The following ENOX1 variants were observed in gnomAD, a reference collection of about 807,000 sequenced individuals.
ENOX1 encodes the protein candidate growth-related and time keeping constitutive hydroquinone (NADH) oxidase.
ENOX1 carries 42 observed loss-of-function variants against 82.5 expected under a neutral mutation model. That is an observed-to-expected ratio of 0.51 (90% confidence interval 0.40 to 0.66). The LOEUF (loss-of-function observed/expected upper bound fraction) is 0.66. Ranked by LOEUF, ENOX1 falls within the 30% of genes least tolerant of loss-of-function variation. The pLI, the probability that ENOX1 is intolerant of heterozygous loss-of-function variation, is 0.00. For missense variants in ENOX1, 608 were observed against 811.6 expected (o/e 0.75, Z 3.05); for synonymous variants, 271 against 282.2 (o/e 0.96, Z 0.40).
At chr13:43,355,780 T>C in intron 8 of ENOX1, 139 bp downstream of exon 8, 1 of 892,456 alleles carries the variant, frequency 1.1e-6, no homozygotes. Flanking sequence ...AGTCTGTGCT[T>C]ACACCAGACT....
chr13:43,469,564 ATAG>A lies in ENOX1; in HGVS notation c.-75+14442_-75+14444del, dbSNP rs543570197. Among the ~76,000 whole-genome samples the A allele has an allele frequency of 1.9e-4, 29 of 152,122 alleles. No individual in the cohort carries two copies. In the South Asian group the frequency reaches 5.2e-3, roughly 27 times the overall value. On this transcript the variant is annotated intron_variant, in intron 3 of 16. Coordinates refer to ENST00000690772, the MANE Select transcript of ENOX1 (RefSeq NM_001347969.2). Reference sequence around the variant, plus strand: ...AATAAAATTCTGAGTAATAAATATAATAGTAGGTATTTAAGATGTTTATATAAA... The same window carrying A: ...AATAAAATTCTGAGTAATAAATATAATAGGTATTTAAGATGTTTATATAAA...
At chr13:43,772,888 A>G (rs1951726920) in intron 1 of ENOX1, among the ~76,000 whole-genome samples, 1 of 152,182 alleles carries the variant, frequency 6.6e-6, no homozygotes, top group Admixed American at 6.5e-5. Flanking sequence ...GCTGCTAGCT[A>G]TAATTTTAAA....
rs548095118 is a variant in ENOX1, at chr13:43,291,830, A to T, written c.1446+6516T>A. Among the ~76,000 whole-genome samples, 8 of 152,342 alleles carry T rather than the reference A, an allele frequency of 5.3e-5. No homozygotes were observed. In the South Asian group the frequency reaches 1.7e-3, roughly 32 times the overall value. On this transcript the variant is annotated intron_variant, in intron 12 of 16. Coordinates refer to ENST00000690772, the MANE Select transcript of ENOX1 (RefSeq NM_001347969.2). ...GAATAAACTTACAAAAACAAGGAGA[A>T]AGGAAAGTGAGTTCCAGGAGTTCCT...
intron 5 of ENOX1, among the ~76,000 whole-genome samples, chr13:43,404,618 T>G (rs1443078941): frequency 6.6e-6 from 1 of 152,238 alleles, no homozygotes; most frequent in Non-Finnish European, 1.5e-5. Context: ...ATTAGTCATT[T>G]GTATAATTAT....
intron 11 of ENOX1, among the ~76,000 whole-genome samples, chr13:43,308,998 C>T (rs898193725): frequency 4.7e-5 from 7 of 150,448 alleles, no homozygotes; most frequent in African/African-American, 1.7e-4. Context: ...ACTTCAAGGG[C>T]CCTCTGACCT....
Position 43,635,993 on chromosome 13 carries a change from G to A in ENOX1, c.-219+31486C>T, listed in dbSNP as rs190057171. On this transcript the variant is annotated intron_variant, in intron 2 of 16. Coordinates refer to ENST00000690772, the MANE Select transcript of ENOX1 (RefSeq NM_001347969.2). ...CATGGGACTGACCTTCTGGGGAAAC[G>A]CAGCCCCAACACAGCCAGAATTGCT... 9.9e-5 allele frequency among the ~76,000 whole-genome samples: 15 copies of A among 152,242 alleles called. No individual in the cohort carries two copies. The East Asian group carries it at 2.5e-3, about 26-fold the overall frequency.
chr13:43,706,903 G>GAT (rs141537630), intron 1 of ENOX1, among the ~76,000 whole-genome samples: 116 of 149,316 alleles, frequency 7.8e-4, no homozygotes, highest in East Asian at 1.8e-3. Flanking sequence ...AGGCAAGAAA[G>GAT]ATATATATAT....
At chr13:43,501,638 A>G (rs2076983728) in intron 2 of ENOX1, among the ~76,000 whole-genome samples, 1 of 151,718 alleles carries the variant, frequency 6.6e-6, no homozygotes, top group Admixed American at 6.6e-5. Context: ...ATTTGAAAAC[A>G]CACTCCTAAA....
At chr13:43,423,183 G>C (rs1289363998) in intron 3 of ENOX1, among the ~76,000 whole-genome samples, 1 of 152,110 alleles carries the variant, frequency 6.6e-6, no homozygotes, top group Non-Finnish European at 1.5e-5. Context: ...TATGAAATAC[G>C]TAATGGCTCA....
At chr13:43,390,826 T>C (rs12872763) in intron 5 of ENOX1, among the ~76,000 whole-genome samples, 81,920 of 151,992 alleles carry the variant, frequency 0.54, 25,776 homozygotes, top group Non-Finnish European at 0.73. Flanking sequence ...CTCATTATTC[T>C]CTTTCATTTC....
intron 9 of ENOX1, among the ~76,000 whole-genome samples, chr13:43,332,430 C>T (rs557253361): frequency 1.3e-5 from 2 of 152,286 alleles, no homozygotes; most frequent in South Asian, 4.1e-4. Context: ...TCACTTCCTG[C>T]TGTGCGGCCC....
intron 2 of ENOX1, among the ~76,000 whole-genome samples, chr13:43,537,464 C>A (rs993997033): frequency 6.6e-6 from 1 of 152,146 alleles, no homozygotes; most frequent in African/African-American, 2.4e-5. Flanking sequence ...CAAGCTGAAG[C>A]CAAAGAAATG....
intron 14 of ENOX1, among the ~76,000 whole-genome samples, chr13:43,258,823 C>T (rs954377862): frequency 6.6e-5 from 10 of 152,214 alleles, no homozygotes; most frequent in Non-Finnish European, 1.5e-4. Context: ...AAGGTCTCGT[C>T]TCCAGAGGAT....
intron 11 of ENOX1, among the ~76,000 whole-genome samples, chr13:43,312,462 G>A (rs1183200243): frequency 2.6e-5 from 4 of 152,196 alleles, no homozygotes; most frequent in Admixed American, 6.5e-5. Flanking sequence ...TCAAAGGGCT[G>A]ATATTGTAGC....
At chr13:43,247,864 TATATATA>T (rs2043200161) in intron 14 of ENOX1, among the ~76,000 whole-genome samples, 6 of 2,262 alleles carry the variant, frequency 2.7e-3, no homozygotes, top group Non-Finnish European at 4.4e-3. Flanking sequence ...TATATATATA[TATATATA>T]TATATATATA....
At chr13:43,265,260 G>A (rs1314576178) in intron 14 of ENOX1, 138 bp downstream of exon 14, 3 of 637,304 alleles carry the variant, frequency 4.7e-6, no homozygotes, top group Non-Finnish European at 7.8e-6. Context: ...ACATTTTCTT[G>A]CCAAACCCAT....
chr13:43,469,257 T>C (rs1294122041), intron 3 of ENOX1, among the ~76,000 whole-genome samples: 2 of 152,172 alleles, frequency 1.3e-5, no homozygotes, highest in Admixed American at 1.3e-4. Flanking sequence ...ATATGGAGTT[T>C]ATACCGATTA....
intron 1 of ENOX1, among the ~76,000 whole-genome samples, chr13:43,730,220 A>G (rs2089259276): frequency 6.6e-6 from 1 of 152,194 alleles, no homozygotes; most frequent in African/African-American, 2.4e-5. Flanking sequence ...CAAAGAAAAT[A>G]AAGGAGAGGA....
chr13:43,463,918 C>CT (rs1233788319), intron 3 of ENOX1, among the ~76,000 whole-genome samples: 1 of 152,212 alleles, frequency 6.6e-6, no homozygotes, highest in East Asian at 1.9e-4. Context: ...TGAATACCTA[C>CT]TATGTGCAGG....
Sources: gnomAD v4.1 joint callset for allele counts (sites outside exome capture counted in the v4.1 genomes callset) on GRCh38, gnomAD v4.1.1 for gene constraint, MANE v1.5 for transcripts, NCBI Gene and HGNC (gene_info 2026-07-23, HGNC 2026-07-21) for gene names.